The following PDE1A variants were observed in gnomAD, a reference collection of about 807,000 sequenced individuals.
PDE1A encodes the protein phosphodiesterase 1A.
Under a neutral mutation model 61.7 loss-of-function variants are expected in PDE1A, and 35 were observed. That is an observed-to-expected ratio of 0.57 (90% CI 0.43 to 0.75). PDE1A has a LOEUF of 0.75. PDE1A is among the 30% of genes least tolerant of loss of function. The probability of loss-of-function intolerance (pLI) is 0.00; values close to 1 mark genes in which losing one functional copy is unlikely to be tolerated. For missense variants in PDE1A, 597 were observed against 630.6 expected, an observed-to-expected ratio of 0.95 and a Z score of 0.57; for synonymous variants, 232 against 213.2, an observed-to-expected ratio of 1.09 and a Z score of -0.77.
At chr2:182,490,278 C>T (rs1456218848) in intron 2 of PDE1A, among the ~76,000 whole-genome samples, 1 of 152,102 alleles carries the variant, frequency 6.6e-6, no homozygotes, top group Admixed American at 6.5e-5. Flanking sequence ...CAAGTGAAAA[C>T]CATGAGTAGT....
chr2:182,223,493 C>T (rs1201576663), intron 7 of PDE1A, among the ~76,000 whole-genome samples: 2 of 151,950 alleles, frequency 1.3e-5, no homozygotes, highest in African/African-American at 2.4e-5. Context: ...CAGAAGTACA[C>T]TCGTATTACT....
intron 1 of PDE1A, among the ~76,000 whole-genome samples, chr2:182,272,172 A>C (rs527737831): frequency 6.6e-6 from 1 of 152,244 alleles, no homozygotes; most frequent in Non-Finnish European, 1.5e-5. Flanking sequence ...ACAGAAGAGA[A>C]TTAGACAAAA....
At chr2:182,432,315 T>G (rs1703992338) in intron 2 of PDE1A, among the ~76,000 whole-genome samples, 1 of 152,170 alleles carries the variant, frequency 6.6e-6, no homozygotes, top group South Asian at 2.1e-4. Context: ...AACAAGGTCA[T>G]GCATACCACC....
chr2:182,526,678 T>A (rs950657939), upstream of PDE1A, among the ~76,000 whole-genome samples: 1 of 152,180 alleles, frequency 6.6e-6, no homozygotes, highest in African/African-American at 2.4e-5. Context: ...ACAGCAAAAC[T>A]TAAAATGATC....
chr2:182,423,450 C>T (rs1197468620), intron 1 of PDE1A, among the ~76,000 whole-genome samples: 2 of 152,130 alleles, frequency 1.3e-5, no homozygotes, highest in Non-Finnish European at 2.9e-5. Flanking sequence ...TCAACGTTCA[C>T]CATCTACTCC....
At chr2:182,438,320 G>T (rs77128182) in intron 2 of PDE1A, among the ~76,000 whole-genome samples, 5,943 of 152,012 alleles carry the variant, frequency 0.039, 135 homozygotes, top group Middle Eastern at 0.075. Context: ...AGAATGGAGG[G>T]AAAACTGGCT....
At chr2:182,444,197 A>AG (rs1684985130) in intron 2 of PDE1A, among the ~76,000 whole-genome samples, 2 of 152,132 alleles carry the variant, frequency 1.3e-5, no homozygotes, top group Non-Finnish European at 2.9e-5. Context: ...AAGAAGTTTT[A>AG]AGTTCCTTTG....
At chr2:182,561,723 T>A in the PDE1A span, among the ~76,000 whole-genome samples, 1 of 152,040 alleles carries the variant, frequency 6.6e-6, no homozygotes, top group Non-Finnish European at 1.5e-5. Context: ...GTATCCTCTT[T>A]TATTTCCTTG....
At chr2:182,610,668 CAAA>C in the PDE1A span, among the ~76,000 whole-genome samples, 1 of 151,326 alleles carries the variant, frequency 6.6e-6, no homozygotes, top group African/African-American at 2.4e-5. Flanking sequence ...TAAATAAAAA[CAAA>C]AAAGAGAATA....
At chr2:182,424,422 G>A (rs1459192985) in intron 1 of PDE1A, among the ~76,000 whole-genome samples, 1 of 152,154 alleles carries the variant, frequency 6.6e-6, no homozygotes, top group Admixed American at 6.5e-5. Flanking sequence ...GAAGTGGGGT[G>A]CAGTTACAAG....
the PDE1A span, among the ~76,000 whole-genome samples, chr2:182,695,666 C>CAAAAAAAAAAAAAAAAAAAAAAAAAAAAA: frequency 3.0e-5 from 1 of 32,890 alleles, no homozygotes; most frequent in Non-Finnish European, 6.0e-5. Flanking sequence ...GGCCCTCTCT[C>CAAAAAAAAAAAAAAAAAAAAAAAAAAAAA]AAAAAAAAAA....
the PDE1A span, among the ~76,000 whole-genome samples, chr2:182,573,693 G>A: frequency 3.3e-5 from 5 of 151,522 alleles, no homozygotes; most frequent in African/African-American, 7.3e-5. Flanking sequence ...GTATAATTTT[G>A]TTCTTAGGAA....
intron 2 of PDE1A, among the ~76,000 whole-genome samples, chr2:182,264,004 TA>T (rs1445149774): frequency 1.3e-5 from 2 of 152,156 alleles, no homozygotes; most frequent in African/African-American, 4.8e-5. Context: ...CTCTGACATT[TA>T]AAAGTCTGAG....
Position 182,327,623 on chromosome 2 carries a change from A to G in PDE1A, c.54-63209T>C, listed in dbSNP as rs180824598. On this transcript the variant is annotated intron_variant, in intron 1 of 13. Transcript: ENST00000351439. ...TTTCATCACCTCTAAATCTGCTAACAGTTTTTATAAACAGACTGAGCTATG... is the reference window on the plus strand; with the variant it reads ...TTTCATCACCTCTAAATCTGCTAACGGTTTTTATAAACAGACTGAGCTATG... 3.3e-5 allele frequency among the ~76,000 whole-genome samples: 5 copies of G among 152,344 alleles called. No individual in the cohort carries two copies. The East Asian group carries it at 7.7e-4, about 23-fold the overall frequency.
intron 2 of PDE1A, among the ~76,000 whole-genome samples, chr2:182,514,713 C>T (rs1451720924): frequency 6.6e-6 from 1 of 152,090 alleles, no homozygotes; most frequent in South Asian, 2.1e-4. Flanking sequence ...CCTATAAAAT[C>T]CCTAAAAGAA....
intron 7 of PDE1A, 21 bp downstream of exon 7, chr2:182,223,843 T>G: frequency 7.2e-7 from 1 of 1,386,374 alleles, no homozygotes. Flanking sequence ...CTAATGAAAG[T>G]TAATACTTTT....
At chr2:182,560,320 T>A in the PDE1A span, among the ~76,000 whole-genome samples, 1 of 150,320 alleles carries the variant, frequency 6.7e-6, no homozygotes, top group Admixed American at 6.7e-5. Flanking sequence ...GGTGTTTGGT[T>A]TTTTGTCCTT....
chr2:182,638,766 A>G, the PDE1A span, among the ~76,000 whole-genome samples: 10 of 152,234 alleles, frequency 6.6e-5, no homozygotes, highest in Admixed American at 2.6e-4. Context: ...GTAAATGACA[A>G]GCCAGCCTAG....
the PDE1A span, among the ~76,000 whole-genome samples, chr2:182,604,657 C>A: frequency 6.6e-6 from 1 of 152,122 alleles, no homozygotes; most frequent in African/African-American, 2.4e-5. Flanking sequence ...CCTAAGCATG[C>A]TACTACTGAT....
Sources: allele counts gnomAD v4.1 joint callset (sites outside exome capture counted in the v4.1 genomes callset), GRCh38; gene constraint gnomAD v4.1.1; transcripts MANE v1.5; gene names NCBI Gene and HGNC (gene_info 2026-07-23, HGNC 2026-07-21).